Variants in CEP126 observed in about 807,000 individuals in gnomAD.
CEP126 encodes centrosomal protein 126.
Under a neutral mutation model 107.8 loss-of-function variants are expected in CEP126, and 74 were observed. The observed-to-expected ratio is 0.69, with a 90% CI of 0.57 to 0.83. CEP126 has a LOEUF of 0.83. CEP126 is among the 40% of genes least tolerant of loss of function. The pLI is 0.00. For missense variants in CEP126, 1,237 were observed against 1,281.9 expected (o/e 0.96, Z 0.53); for synonymous variants, 449 against 446.0 (o/e 1.01, Z -0.08).
At chr11:101,944,144 T>C (rs937804709) in intron 2 of CEP126, 121 bp from the exon 3 acceptor site, 12 of 931,748 alleles carry the variant, frequency 1.3e-5, no homozygotes, top group Admixed American at 7.6e-5. Context: ...ATTTAAAATT[T>C]GTTGTTTTTA....
At chr11:101,939,963 C>T (rs1218607267) in intron 2 of CEP126, among the ~76,000 whole-genome samples, 4 of 152,254 alleles carry the variant, frequency 2.6e-5, no homozygotes, top group East Asian at 3.9e-4. Flanking sequence ...TGAAACATCA[C>T]TAACATAAAT....
chr11:101,936,123 A>G (rs1465755296), intron 2 of CEP126, among the ~76,000 whole-genome samples: 11 of 152,124 alleles, frequency 7.2e-5, no homozygotes, highest in Admixed American at 7.2e-4. Flanking sequence ...TAACAATTCT[A>G]ATTGCATTAA....
chr11:101,919,186 G>A (rs1280183265), intron 1 of CEP126, among the ~76,000 whole-genome samples: 2 of 152,116 alleles, frequency 1.3e-5, no homozygotes, highest in Non-Finnish European at 1.5e-5. Flanking sequence ...CACTGTAGTC[G>A]TCCAAGCAAG....
intron 2 of CEP126, among the ~76,000 whole-genome samples, chr11:101,939,552 G>A (rs1022259473): frequency 3.9e-5 from 6 of 152,036 alleles, no homozygotes; most frequent in Admixed American, 1.3e-4. Flanking sequence ...AACTGTGAAG[G>A]GTCTGAGATT....
intron 2 of CEP126, among the ~76,000 whole-genome samples, chr11:101,924,679 G>T (rs749475187): frequency 3.0e-4 from 45 of 152,040 alleles, no homozygotes; most frequent in Non-Finnish European, 5.4e-4. Context: ...TGTTGGCCAG[G>T]CTGGTCTTGA....
chr11:101,992,210 T>A (rs1260838077), intron 9 of CEP126, among the ~76,000 whole-genome samples: 1 of 152,112 alleles, frequency 6.6e-6, no homozygotes, highest in East Asian at 1.9e-4. Flanking sequence ...GAGTTTAAGA[T>A]GTAAAATTAT....
chr11:101,978,446 G>A lies in CEP126; in HGVS notation c.2945G>A (p.Ser982Asn), dbSNP rs776815069. The change falls in exon 7 of 11, where the codon AGT becomes AAT. Residue 982 changes from serine to asparagine, a missense_variant. Ser to Asn is a conservative substitution (Grantham distance 46). Around this residue, in one of 3 missense-constraint regions of CEP126, gnomAD observed 1,134 missense variants for 1,150.5 expected, o/e 0.99. Transcript: ENST00000263468. Reference sequence around the variant, plus strand: ...CCTGGATCTGTAGGACAGAAGTACAGTGAGCAAATTAATGTAAGTATGGTA... The same window carrying A: ...CCTGGATCTGTAGGACAGAAGTACAATGAGCAAATTAATGTAAGTATGGTA... ...QNPGSVGQKY[S>N]EQINNFGQSV... The A allele has an allele frequency of 1.4e-5, 22 of 1,598,250 alleles. No homozygotes were observed. The highest frequency in any genetic ancestry group is 3.4e-5 in the Admixed American group (2 of 59,574).
intron 6 of CEP126, among the ~76,000 whole-genome samples, chr11:101,964,794 A>G (rs1941040536): frequency 6.6e-6 from 1 of 152,228 alleles, no homozygotes; most frequent in Admixed American, 6.5e-5. Context: ...AAGGAATAGG[A>G]TCTGATTCTT....
intron 8 of CEP126, among the ~76,000 whole-genome samples, chr11:101,984,634 A>C (rs1324791473): frequency 6.6e-6 from 1 of 152,214 alleles, no homozygotes; most frequent in African/African-American, 2.4e-5. Context: ...GGTTTATTGA[A>C]CGACTAGAGC....
intron 1 of CEP126, among the ~76,000 whole-genome samples, chr11:101,919,625 A>C (rs1170511827): frequency 1.3e-5 from 2 of 152,188 alleles, no homozygotes; most frequent in African/African-American, 4.8e-5. Flanking sequence ...AGGATTCTTT[A>C]TATTAATAAT....
chr11:101,994,602 C>G (rs1465484481), intron 10 of CEP126, among the ~76,000 whole-genome samples: 1 of 152,106 alleles, frequency 6.6e-6, no homozygotes, highest in Admixed American at 6.5e-5. Flanking sequence ...TCCAGTTATC[C>G]CAGCACAATT....
At chr11:101,989,713 A>G (rs1269951569) in intron 9 of CEP126, among the ~76,000 whole-genome samples, 2 of 152,136 alleles carry the variant, frequency 1.3e-5, no homozygotes, top group Non-Finnish European at 2.9e-5. Flanking sequence ...TAATCCCAGC[A>G]CTTTGGGAGG....
chr11:101,941,926 T>A (rs1323898107), intron 2 of CEP126, among the ~76,000 whole-genome samples: 1 of 152,150 alleles, frequency 6.6e-6, no homozygotes, highest in East Asian at 1.9e-4. Context: ...TTTTCATGTG[T>A]TTATTTGTAT....
At chr11:101,930,648 T>C (rs1940485096) in intron 2 of CEP126, among the ~76,000 whole-genome samples, 1 of 152,212 alleles carries the variant, frequency 6.6e-6, no homozygotes, top group African/African-American at 2.4e-5. Context: ...CATGTCCTGC[T>C]GATTAGTCCA....
intron 2 of CEP126, among the ~76,000 whole-genome samples, chr11:101,929,324 T>A (rs1940458446): frequency 6.6e-6 from 1 of 152,228 alleles, no homozygotes; most frequent in African/African-American, 2.4e-5. Context: ...ATTATGAGAT[T>A]CTGTGACTTA....
chr11:101,918,200 C>T (rs924505712), intron 1 of CEP126, among the ~76,000 whole-genome samples: 2 of 152,160 alleles, frequency 1.3e-5, no homozygotes, highest in African/African-American at 4.8e-5. Context: ...GTAATCCTAG[C>T]ACTTTGGGAG....
At chr11:101,978,510 G>C in intron 7 of CEP126, 51 bp downstream of exon 7, 1 of 1,167,994 alleles carries the variant, frequency 8.6e-7, no homozygotes, top group Non-Finnish European at 1.3e-6. Flanking sequence ...AAATTGCTTG[G>C]AAAACAGAGG....
At chr11:101,917,946 C>T (rs1940253850) in intron 1 of CEP126, among the ~76,000 whole-genome samples, 2 of 152,144 alleles carry the variant, frequency 1.3e-5, no homozygotes, top group South Asian at 2.1e-4. Flanking sequence ...TAAACAGGAA[C>T]AGGGTTCTTT....
chr11:101,966,329 A>G (rs1182174110), intron 6 of CEP126, among the ~76,000 whole-genome samples: 1 of 152,142 alleles, frequency 6.6e-6, no homozygotes, highest in African/African-American at 2.4e-5. Flanking sequence ...TTAATACTGG[A>G]TTACAGTTCA....
Sources: allele counts gnomAD v4.1 joint callset (sites outside exome capture counted in the v4.1 genomes callset), GRCh38; gene constraint gnomAD v4.1.1; regional missense constraint gnomAD v4.1.1; transcripts MANE v1.5; gene names NCBI Gene and HGNC (gene_info 2026-07-23, HGNC 2026-07-21).